The following DNAH2 variants were observed in gnomAD, a reference collection of about 807,000 sequenced individuals.
DNAH2 encodes axonemal beta dynein heavy chain 2.
Under a neutral mutation model 523.5 loss-of-function variants are expected in DNAH2, and 323 were observed. The observed-to-expected ratio is 0.62, with a 90% CI of 0.56 to 0.68. The LOEUF (loss-of-function observed/expected upper bound fraction) is 0.68. Ranked by LOEUF, DNAH2 falls within the 30% of genes least tolerant of loss-of-function variation. The pLI, the probability that DNAH2 is intolerant of heterozygous loss-of-function variation, is 0.00. For missense variants in DNAH2, 4,907 were observed against 5,701.5 expected, an observed-to-expected ratio of 0.86 and a Z score of 4.49; for synonymous variants, 2,093 against 2,177.4, an observed-to-expected ratio of 0.96 and a Z score of 1.08.
intron 7 of DNAH2, among the ~76,000 whole-genome samples, chr17:7,736,039 C>T (rs889428746): frequency 2.6e-4 from 39 of 152,164 alleles, no homozygotes; most frequent in African/African-American, 9.4e-4. Flanking sequence ...AGGTGTCAGC[C>T]ACCTCGCCCG....
At position 7,787,918 on chromosome 17, in the gene DNAH2, G is replaced by T. The variant is rs771773961; in HGVS notation, c.6662G>T (p.Arg2221Leu). The change falls in exon 43 of 86, where the codon CGC becomes CTC. Residue 2221 changes from arginine to leucine, a missense_variant. By Grantham distance (102) the Arg-to-Leu change is moderately radical (BLOSUM62 -2). Around this residue, in one of 3 missense-constraint regions of DNAH2, gnomAD observed 2,806 missense variants for 3,190.8 expected, o/e 0.88. Transcript: ENST00000572933. Reference protein sequence around the residue: ...LAMASPATVSRCGMVYTDYAD... With the variant: ...LAMASPATVSLCGMVYTDYAD... ...ATGGCCTCTCCGGCCACTGTATCCC[G>T]CTGCGGGATGGTCTACACTGACTAC... 1 of 1,614,162 alleles carries T rather than the reference G, an allele frequency of 6.2e-7. No homozygotes were observed. Among genetic ancestry groups the T allele is most frequent in the Non-Finnish European group, 8.5e-7 (1 of 1,180,026 alleles).
Position 7,763,999 on chromosome 17 carries a change from G to A in DNAH2, c.3147G>A (p.Glu1049=). The change falls in exon 19 of 86, where the codon GAG becomes GAA. Residue 1049 remains glutamate, a synonymous_variant. Coordinates refer to ENST00000572933, the MANE Select transcript of DNAH2 (RefSeq NM_020877.5). ...AGATGGCTGCTGGGCGCCTCCTGGA[G>A]CTGCACACCTACCTGAAGGAGAACG... The part of the protein sequence containing the change: ...LREMAAGRLL[E]LHTYLKENAE... 2 of 1,614,212 alleles carry A rather than the reference G, an allele frequency of 1.2e-6. No homozygotes were observed. Among genetic ancestry groups the A allele is most frequent in the South Asian group, 1.1e-5 (1 of 91,086 alleles).
chr17:7,797,087 G>C (rs979584379), intron 50 of DNAH2, 89 bp from the exon 51 acceptor site: 12 of 1,201,544 alleles, frequency 1.0e-5, no homozygotes, highest in Middle Eastern at 5.3e-4. Flanking sequence ...TGGAGACAGA[G>C]TGAGACTCTG....
intron 12 of DNAH2, among the ~76,000 whole-genome samples, chr17:7,756,033 A>G (rs2075825792): frequency 6.6e-6 from 1 of 151,894 alleles, no homozygotes; most frequent in African/African-American, 2.4e-5. Flanking sequence ...TGAGGTCAGG[A>G]GTTTGAGACC....
At chr17:7,788,798 T>C (rs993773365) in intron 44 of DNAH2, among the ~76,000 whole-genome samples, 1 of 152,246 alleles carries the variant, frequency 6.6e-6, no homozygotes, top group Non-Finnish European at 1.5e-5. Flanking sequence ...GTAATTAAAC[T>C]ATTAATATGT....
At chr17:7,824,473 G>A in intron 76 of DNAH2, 64 bp from the exon 77 acceptor site, 2 of 1,435,644 alleles carry the variant, frequency 1.4e-6, no homozygotes, top group Non-Finnish European at 1.8e-6. Flanking sequence ...AACACCAGGT[G>A]GAAAGCATGA....
At chr17:7,753,350 G>A (rs117646332) in intron 12 of DNAH2, among the ~76,000 whole-genome samples, 4,879 of 152,264 alleles carry the variant, frequency 0.032, 108 homozygotes, top group Non-Finnish European at 0.052. Flanking sequence ...CCAGAGCTCA[G>A]GTTAGCTGTG....
In DNAH2 at chr17:7,792,668, A is replaced by G. The variant is rs377372875; in HGVS notation, c.7157A>G (p.Tyr2386Cys). 3.7e-6 allele frequency: 6 copies of G among 1,613,820 alleles called. No individual in the cohort carries two copies. In the African/African-American group the frequency reaches 8.0e-5, roughly 22 times the overall value. The change falls in exon 47 of 86, where the codon TAT becomes TGT. Residue 2386 changes from tyrosine (Y) to cysteine (C), a missense_variant. By Grantham distance (194) the Tyr-to-Cys change is radical (BLOSUM62 -2). Coordinates refer to ENST00000572933, the MANE Select transcript of DNAH2 (RefSeq NM_020877.5). ...CTGCTCTTCCCTAGCGCCCCCTTCT[A>G]TAAGATCATGGTGCCCACCGTCGAC... The part of the protein sequence containing the change: ...SWRYPPNAPF[Y>C]KIMVPTVDTV...
At chr17:7,742,583 G>A (rs1007017678) in intron 11 of DNAH2, among the ~76,000 whole-genome samples, 7 of 152,278 alleles carry the variant, frequency 4.6e-5, no homozygotes, top group South Asian at 4.1e-4. Context: ...GGTGGACTAC[G>A]CCCAGGCTAG....
intron 3 of DNAH2, 145 bp from the exon 4 acceptor site, chr17:7,726,976 TG>T: frequency 1.3e-6 from 1 of 778,356 alleles, no homozygotes; most frequent in Non-Finnish European, 1.9e-6. Flanking sequence ...CTTCCAAAGC[TG>T]GAAAGCTATC....
intron 39 of DNAH2, among the ~76,000 whole-genome samples, chr17:7,784,580 A>G (rs572937093): frequency 1.7e-4 from 26 of 152,304 alleles, no homozygotes; most frequent in Non-Finnish European, 2.8e-4. Flanking sequence ...AAGCATAACC[A>G]TATTTTTCAA....
At chr17:7,801,178 T>C (rs1255632825) in intron 56 of DNAH2, among the ~76,000 whole-genome samples, 1 of 152,018 alleles carries the variant, frequency 6.6e-6, no homozygotes, top group Non-Finnish European at 1.5e-5. Flanking sequence ...CGGCCTACCA[T>C]TTTGTTTTTA....
In DNAH2 at chr17:7,823,838, G is replaced by A. The variant is rs1196530940; in HGVS notation, c.11334G>A (p.Glu3778=). ...AATGACTCACCTCATCCCCAGGTGA[G>A]TGGGAAAATGCCTGCAATGAAATGC... ...AAPEKAMLPG[E]WENACNEMQR... Residue 3778 remains glutamate, a synonymous_variant, in exon 75 of 86, where the codon GAG becomes GAA. Transcript: ENST00000572933. The A allele has an allele frequency of 6.2e-6, 10 of 1,613,900 alleles. No individual in the cohort carries two copies.
chr17:7,833,162 T>A lies in DNAH2; in HGVS notation c.13070T>A (p.Val4357Asp), dbSNP rs78354379. 0.016 allele frequency: 26,461 copies of A among 1,610,344 alleles called. 1,200 individuals carry two copies. The East Asian group carries it at 0.21, about 13-fold the overall frequency. The change falls in exon 85 of 86, where the codon GTC (valine) becomes GAC (aspartate). Residue 4357 changes from valine (V) to aspartate (D), a missense_variant. Physicochemically the swap from Val to Asp is radical, Grantham distance 152 (BLOSUM62 -3). This residue lies in a region of DNAH2 where 1,851 missense variants were observed against 2,139.4 expected (regional missense o/e 0.87). Coordinates refer to ENST00000572933, the MANE Select transcript of DNAH2 (RefSeq NM_020877.5). ...GTGGAGGCAGAGCCCATGCAGCTTG[T>A]CTGCCTCATGCCCACGATCCACTTC... The part of the protein sequence containing the change: ...CLVEAEPMQL[V>D]CLMPTIHFRP...
chr17:7,724,042 CCTTTCCTTCAGTT>C (rs2074716584), intron 3 of DNAH2, among the ~76,000 whole-genome samples: 3 of 152,242 alleles, frequency 2.0e-5, no homozygotes, highest in African/African-American at 7.2e-5. Flanking sequence ...GCTCTTTCCA[CCTTTCCTTCAGTT>C]CTTTCCTTTG....
rs769711599 is a variant in DNAH2, at chr17:7,823,801, CCCTCTCCCTGCAATGACTCA to C, written c.11330-28_11330-9del. ...GATTCCCCGCTCTTCCAGACTCACT[CCCTCTCCCTGCAATGACTCA>C]CCTCATCCCCAGGTGAGTGGGAAAA... On this transcript the variant is annotated splice_polypyrimidine_tract_variant and intron_variant, in intron 74 of 85. Transcript: ENST00000572933. 1.2e-6 allele frequency: 2 copies of C among 1,609,632 alleles called. No individual in the cohort carries two copies. Among genetic ancestry groups the C allele is most frequent in the South Asian group, 2.2e-5 (2 of 90,616 alleles).
At position 7,740,536 on chromosome 17, in the gene DNAH2, T is replaced by TGTCCACAGG. The variant is rs775696959; in HGVS notation, c.1493_1494insGTCCACAGG (p.Leu498_Ala499insSerThrGly). ...CTTCTGCTGGACACCTTCCACAGGC[T>TGTCCACAGG]TGCCTCCCGCGAGGTGCGGCTGCCC... On this transcript the variant is annotated inframe_insertion, in exon 10 of 86. Transcript: ENST00000572933. 5.0e-6 allele frequency: 8 copies of TGTCCACAGG among 1,613,706 alleles called. No homozygotes were observed. In the Admixed American group the frequency reaches 6.7e-5, roughly 13 times the overall value.
chr17:7,782,002 T>G (rs866132543), intron 39 of DNAH2, among the ~76,000 whole-genome samples: 1 of 152,222 alleles, frequency 6.6e-6, no homozygotes, highest in African/African-American at 2.4e-5. Flanking sequence ...AATAACATCC[T>G]TTTTAATGCA....
rs1331323577 is a variant in DNAH2, at chr17:7,807,129, C to T, written c.9443-21C>T. The T allele has an allele frequency of 6.3e-7, 1 of 1,599,338 alleles. No individual in the cohort carries two copies. Among genetic ancestry groups the T allele is most frequent in the East Asian group, 2.2e-5 (1 of 44,830 alleles). ...GATGGCATTAAGCCTCTGGCTAAGGCCCCTAATTTTCATCCCACAGGGGAA... is the reference window on the plus strand; with the variant it reads ...GATGGCATTAAGCCTCTGGCTAAGGTCCCTAATTTTCATCCCACAGGGGAA... On this transcript the variant is annotated intron_variant, in intron 61 of 85. Coordinates refer to ENST00000572933, the MANE Select transcript of DNAH2 (RefSeq NM_020877.5). The surrounding 1 kb of genome is among the most constrained non-coding windows in gnomAD (Gnocchi z 5.6).
Sources: gnomAD v4.1 joint callset for allele counts (sites outside exome capture counted in the v4.1 genomes callset) on GRCh38, gnomAD v4.1.1 for gene constraint, gnomAD v4.1.1 regional missense constraint, Gnocchi (gnomAD v3.1) non-coding constraint, MANE v1.5 for transcripts, NCBI Gene and HGNC (gene_info 2026-07-23, HGNC 2026-07-21) for gene names.